PRKCB: variants seen among roughly 807,000 people sequenced by gnomAD.
PRKCB encodes the protein protein kinase C beta, also known as protein kinase C beta type.
A neutral mutation model predicts 81.5 loss-of-function variants in PRKCB; 13 were observed. The ratio of observed to expected loss-of-function variants is 0.16; its 90% CI spans 0.10 to 0.25. The LOEUF is 0.25. PRKCB is among the 10% of genes least tolerant of loss of function. PRKCB has a pLI of 1.00. For missense variants in PRKCB, 509 were observed against 875.7 expected (o/e 0.58, Z 5.29); for synonymous variants, 335 against 321.4 (o/e 1.04, Z -0.45).
chr16:24,035,324 A>G, intron 4 of PRKCB, 95 bp from the exon 5 acceptor site: 1 of 1,484,036 alleles, frequency 6.7e-7, no homozygotes, highest in Non-Finnish European at 9.1e-7. Flanking sequence ...CAAAGGAGGG[A>G]AACAGGAAGG....
chr16:24,070,430 T>C (rs181163433), intron 5 of PRKCB, among the ~76,000 whole-genome samples: 30 of 152,316 alleles, frequency 2.0e-4, no homozygotes, highest in African/African-American at 6.5e-4. Context: ...ATTACAGGCA[T>C]GAGCCGTTGC....
At chr16:23,905,593 AT>A (rs1453819827) in intron 2 of PRKCB, among the ~76,000 whole-genome samples, 1 of 152,154 alleles carries the variant, frequency 6.6e-6, no homozygotes, top group African/African-American at 2.4e-5. Flanking sequence ...CTGTAGTTTT[AT>A]TTGCTAAATC....
intron 2 of PRKCB, among the ~76,000 whole-genome samples, chr16:23,868,481 T>G (rs1469832791): frequency 6.6e-6 from 1 of 152,244 alleles, no homozygotes; most frequent in Non-Finnish European, 1.5e-5. Context: ...TTAATTATCT[T>G]ATTTGATTTT....
intron 3 of PRKCB, among the ~76,000 whole-genome samples, chr16:23,993,980 G>A (rs559914565): frequency 1.3e-5 from 2 of 152,310 alleles, no homozygotes; most frequent in Admixed American, 1.3e-4. Context: ...CCAGACTTGA[G>A]CCAGTTTATA....
intron 5 of PRKCB, among the ~76,000 whole-genome samples, chr16:24,065,629 A>T (rs1321666222): frequency 6.6e-6 from 1 of 152,130 alleles, no homozygotes; most frequent in African/African-American, 2.4e-5. Flanking sequence ...TTACATTTTC[A>T]CATTTCCATC....
chr16:24,074,702 G>A (rs903040309), intron 5 of PRKCB, among the ~76,000 whole-genome samples: 1 of 152,208 alleles, frequency 6.6e-6, no homozygotes, highest in East Asian at 1.9e-4. Flanking sequence ...AGATTAATTT[G>A]TCTGAAGCTT....
At chr16:24,063,830 T>C (rs1462138218) in intron 5 of PRKCB, among the ~76,000 whole-genome samples, 1 of 152,194 alleles carries the variant, frequency 6.6e-6, no homozygotes, top group Non-Finnish European at 1.5e-5. Context: ...AGGATATTTA[T>C]GGCATCACTG....
intron 7 of PRKCB, among the ~76,000 whole-genome samples, chr16:24,100,513 C>G (rs1032121194): frequency 2.6e-5 from 4 of 152,160 alleles, no homozygotes; most frequent in Admixed American, 6.5e-5. Flanking sequence ...GAGTCCTCCC[C>G]CTGAGGAGTC....
chr16:24,163,460 C>T (rs1441927010), intron 10 of PRKCB, among the ~76,000 whole-genome samples: 1 of 152,144 alleles, frequency 6.6e-6, no homozygotes, highest in East Asian at 1.9e-4. Flanking sequence ...TAGACACAGC[C>T]TTATGCTCTC....
chr16:23,906,697 G>A (rs1350042597), intron 2 of PRKCB, among the ~76,000 whole-genome samples: 1 of 151,986 alleles, frequency 6.6e-6, no homozygotes, highest in East Asian at 1.9e-4. Context: ...GTTTTAGGAG[G>A]GAGGTGAGGA....
intron 5 of PRKCB, among the ~76,000 whole-genome samples, chr16:24,063,844 G>A (rs540854132): frequency 7.2e-5 from 11 of 152,164 alleles, no homozygotes; most frequent in Admixed American, 2.6e-4. Flanking sequence ...ATCACTGTTT[G>A]TGGTGGCAAA....
chr16:23,938,420 A>G (rs887214717), intron 2 of PRKCB, among the ~76,000 whole-genome samples: 4 of 152,376 alleles, frequency 2.6e-5, no homozygotes, highest in South Asian at 4.1e-4. Flanking sequence ...TGAAGAAGTC[A>G]TGGTATGGAG....
intron 9 of PRKCB, among the ~76,000 whole-genome samples, chr16:24,144,986 G>C (rs775282280): frequency 3.3e-5 from 5 of 152,172 alleles, no homozygotes; most frequent in Non-Finnish European, 7.3e-5. Flanking sequence ...TGTGGTAAGT[G>C]CTGTCAAGAA....
intron 2 of PRKCB, among the ~76,000 whole-genome samples, chr16:23,935,349 A>G (rs747002095): frequency 6.6e-6 from 1 of 152,224 alleles, no homozygotes; most frequent in Non-Finnish European, 1.5e-5. Flanking sequence ...AGAAGCAGTC[A>G]GTTTTCTGAA....
At chr16:24,193,464 T>TAAATAAATAAATA (rs1555501773) in intron 16 of PRKCB, among the ~76,000 whole-genome samples, 21 of 96,164 alleles carry the variant, frequency 2.2e-4, no homozygotes, top group Admixed American at 7.5e-4. Flanking sequence ...AATAAATAAA[T>TAAATAAATAAATA]AAATAAATAA....
intron 2 of PRKCB, among the ~76,000 whole-genome samples, chr16:23,973,843 T>A (rs2141805333): frequency 6.6e-6 from 1 of 152,236 alleles, no homozygotes; most frequent in East Asian, 1.9e-4. Flanking sequence ...GCTACTGTTT[T>A]GTGTTTTTGC....
chr16:23,905,812 A>C (rs911246092), intron 2 of PRKCB, among the ~76,000 whole-genome samples: 28 of 152,298 alleles, frequency 1.8e-4, no homozygotes, highest in African/African-American at 6.3e-4. Context: ...TCTTCACATA[A>C]GTGGAAATAT....
intron 12 of PRKCB, among the ~76,000 whole-genome samples, chr16:24,179,975 C>T (rs1462774350): frequency 6.6e-6 from 1 of 151,736 alleles, no homozygotes; most frequent in African/African-American, 2.4e-5. Context: ...GACGGAGTCT[C>T]GCTCTGTCAC....
intron 2 of PRKCB, among the ~76,000 whole-genome samples, chr16:23,862,169 C>T (rs532628566): frequency 6.6e-6 from 1 of 152,168 alleles, no homozygotes; most frequent in African/African-American, 2.4e-5. Context: ...CTCTGAAAAG[C>T]ATTGATGTTT....
Sources: allele counts gnomAD v4.1 joint callset (sites outside exome capture counted in the v4.1 genomes callset), GRCh38; gene constraint gnomAD v4.1.1; transcripts MANE v1.5; gene names NCBI Gene and HGNC (gene_info 2026-07-23, HGNC 2026-07-21).